Variants in SUGCT observed in about 807,000 individuals in gnomAD.
The protein encoded by SUGCT is succinyl-CoA:glutarate CoA-transferase.
A neutral mutation model predicts 55.0 loss-of-function variants in SUGCT; 41 were observed. The ratio of observed to expected loss-of-function variants is 0.74; its 90% CI spans 0.58 to 0.97. SUGCT has a LOEUF of 0.97. Ranked by LOEUF, SUGCT falls within the 50% of genes least tolerant of loss-of-function variation. The pLI, the probability that SUGCT is intolerant of heterozygous loss-of-function variation, is 0.00. For missense variants in SUGCT, 568 were observed against 547.8 expected (o/e 1.04, Z -0.37); for synonymous variants, 187 against 200.4 (o/e 0.93, Z 0.56).
intron 9 of SUGCT, among the ~76,000 whole-genome samples, chr7:40,379,886 G>T (rs1455367955): frequency 6.6e-6 from 1 of 152,182 alleles, no homozygotes; most frequent in Non-Finnish European, 1.5e-5. Flanking sequence ...GAATATGGTG[G>T]TAGCTTCTCA....
intron 9 of SUGCT, among the ~76,000 whole-genome samples, chr7:40,377,178 CTTT>C (rs1784608566): frequency 3.1e-4 from 5 of 16,026 alleles, no homozygotes; most frequent in Non-Finnish European, 3.0e-4. Flanking sequence ...TTCTTTCTTT[CTTT>C]CTTTCTTTCT....
At chr7:40,636,951 G>T (rs1020149199) in intron 12 of SUGCT, among the ~76,000 whole-genome samples, 2 of 152,164 alleles carry the variant, frequency 1.3e-5, no homozygotes, top group African/African-American at 4.8e-5. Flanking sequence ...AAGGCAGAAG[G>T]AAATATTACT....
intron 8 of SUGCT, among the ~76,000 whole-genome samples, chr7:40,276,766 G>A (rs1409098756): frequency 6.6e-6 from 1 of 151,666 alleles, no homozygotes. Context: ...ATACACACAG[G>A]TATATAGTCA....
intron 12 of SUGCT, among the ~76,000 whole-genome samples, chr7:40,601,604 A>G (rs1458868445): frequency 6.6e-6 from 1 of 152,198 alleles, no homozygotes; most frequent in African/African-American, 2.4e-5. Flanking sequence ...GTATTTGACA[A>G]CAGCAGCTCT....
At chr7:40,476,034 G>A (rs945182006) in intron 11 of SUGCT, among the ~76,000 whole-genome samples, 6 of 152,100 alleles carry the variant, frequency 3.9e-5, no homozygotes, top group Non-Finnish European at 7.4e-5. Context: ...GGCTCGTACT[G>A]TCTCAGTTCT....
At chr7:40,818,770 T>A (rs977625436) in intron 13 of SUGCT, among the ~76,000 whole-genome samples, 6 of 152,132 alleles carry the variant, frequency 3.9e-5, no homozygotes, top group Admixed American at 1.3e-4. Context: ...TATCTTTTTT[T>A]AAATATACTT....
intron 12 of SUGCT, among the ~76,000 whole-genome samples, chr7:40,713,050 A>G (rs1375172918): frequency 6.6e-6 from 1 of 152,178 alleles, no homozygotes. Context: ...TTCAATTCAG[A>G]GGTCTTTAAT....
intron 1 of SUGCT, among the ~76,000 whole-genome samples, chr7:40,167,373 T>C (rs1051207456): frequency 6.6e-6 from 1 of 152,230 alleles, no homozygotes; most frequent in African/African-American, 2.4e-5. Flanking sequence ...AGAGGTAGTT[T>C]GCAAAGGGCA....
chr7:41,008,503 A>G, the SUGCT span, among the ~76,000 whole-genome samples: 1 of 152,134 alleles, frequency 6.6e-6, no homozygotes. Context: ...TTCCCCGGGA[A>G]TTGCTACCAC....
chr7:40,709,303 TAC>T (rs1160294658), intron 12 of SUGCT, among the ~76,000 whole-genome samples: 1 of 152,224 alleles, frequency 6.6e-6, no homozygotes, highest in African/African-American at 2.4e-5. Context: ...CGTAAGTAAT[TAC>T]ACAACAATTA....
chr7:40,971,086 T>C, the SUGCT span, among the ~76,000 whole-genome samples: 1 of 152,178 alleles, frequency 6.6e-6, no homozygotes, highest in Admixed American at 6.5e-5. Context: ...CTCTGCAGGC[T>C]GTATAAGCAT....
At chr7:40,565,962 G>T (rs1796108375) in intron 12 of SUGCT, among the ~76,000 whole-genome samples, 2 of 143,680 alleles carry the variant, frequency 1.4e-5, no homozygotes, top group Non-Finnish European at 3.0e-5. Context: ...TCAACACCTG[G>T]CATATCACAC....
intron 13 of SUGCT, among the ~76,000 whole-genome samples, chr7:40,803,130 G>A (rs1039614101): frequency 3.3e-5 from 5 of 152,084 alleles, no homozygotes; most frequent in Non-Finnish European, 7.4e-5. Flanking sequence ...GGAAGACAAG[G>A]CTTTTCTATT....
chr7:40,564,219 C>A (rs893362370), intron 12 of SUGCT, among the ~76,000 whole-genome samples: 3 of 151,848 alleles, frequency 2.0e-5, no homozygotes, highest in Admixed American at 6.6e-5. Flanking sequence ...TAAAAAAATA[C>A]AAAAAAATTA....
Position 40,219,084 on chromosome 7 carries a change from A to G in SUGCT, c.485-18551A>G, listed in dbSNP as rs189524034. On this transcript the variant is annotated intron_variant, in intron 6 of 13. Coordinates refer to ENST00000335693, the MANE Select transcript of SUGCT (RefSeq NM_001193313.2). ...CAGCTTCACTCCTGAAGCCAGCGAGACCATGAACCCACCTGGAGGAACGAA... is the reference window on the plus strand; with the variant it reads ...CAGCTTCACTCCTGAAGCCAGCGAGGCCATGAACCCACCTGGAGGAACGAA... 3.5e-3 allele frequency among the ~76,000 whole-genome samples: 538 copies of G among 152,256 alleles called. 2 individuals carry two copies. Among genetic ancestry groups the G allele is most frequent in the Non-Finnish European group, 3.7e-3 (255 of 68,022 alleles).
intron 6 of SUGCT, among the ~76,000 whole-genome samples, chr7:40,227,043 CTTT>C (rs35073564): frequency 2.1e-5 from 2 of 96,224 alleles, no homozygotes; most frequent in Admixed American, 1.5e-4. Flanking sequence ...TTTAATAGAT[CTTT>C]TTTTTTTTTT....
Position 40,418,258 on chromosome 7 carries a change from T to G in SUGCT, c.817-31029T>G, listed in dbSNP as rs537351400. Among the ~76,000 whole-genome samples the G allele has an allele frequency of 2.0e-5, 3 of 152,214 alleles. No individual in the cohort carries two copies. In the South Asian group the frequency reaches 6.2e-4, roughly 32 times the overall value. On this transcript the variant is annotated intron_variant, in intron 9 of 13. Coordinates refer to ENST00000335693, the MANE Select transcript of SUGCT (RefSeq NM_001193313.2). The stretch of plus-strand genomic sequence containing the variant: ...CAAGGAGTCCCTCAGTAAAAGGAGG[T>G]TTACTGTAAGGATTCAGATGGGAAA...
chr7:41,006,005 C>A, the SUGCT span, among the ~76,000 whole-genome samples: 2 of 152,162 alleles, frequency 1.3e-5, no homozygotes, highest in Non-Finnish European at 2.9e-5. Flanking sequence ...TTTTGTGAAG[C>A]CCTCCTAAGA....
the SUGCT span, among the ~76,000 whole-genome samples, chr7:40,936,592 A>G: frequency 6.6e-6 from 1 of 151,048 alleles, no homozygotes. Flanking sequence ...TCTATTCTCT[A>G]TTTCATGTAT....
Sources: gnomAD v4.1 joint callset for allele counts (sites outside exome capture counted in the v4.1 genomes callset) on GRCh38, gnomAD v4.1.1 for gene constraint, MANE v1.5 for transcripts, NCBI Gene and HGNC (gene_info 2026-07-23, HGNC 2026-07-21) for gene names.